The following DACH1 variants were observed in gnomAD, a reference collection of about 807,000 sequenced individuals.
DACH1 encodes dachshund family transcription factor 1, also known as dachshund homolog 1.
A neutral mutation model predicts 54.2 loss-of-function variants in DACH1; 12 were observed. The ratio of observed to expected loss-of-function variants is 0.22; its 90% CI spans 0.14 to 0.36. The LOEUF (loss-of-function observed/expected upper bound fraction) is 0.36. DACH1 is among the 10% of genes least tolerant of loss of function. DACH1 has a pLI of 1.00. For synonymous variants in DACH1, 386 were observed against 366.2 expected, an observed-to-expected ratio of 1.05 and a Z score of -0.62; for missense variants, 805 against 929.8, an observed-to-expected ratio of 0.87 and a Z score of 1.75.
At chr13:71,707,962 C>G (rs1594120789) in intron 1 of DACH1, among the ~76,000 whole-genome samples, 1 of 152,032 alleles carries the variant, frequency 6.6e-6, no homozygotes, top group Non-Finnish European at 1.5e-5. Flanking sequence ...AAAGTTTCAC[C>G]AGGCCCACTG....
At chr13:71,641,453 A>C (rs1282317440) in intron 2 of DACH1, among the ~76,000 whole-genome samples, 1 of 152,094 alleles carries the variant, frequency 6.6e-6, no homozygotes, top group African/African-American at 2.4e-5. Context: ...ACAACATCTC[A>C]TTTAAGCTCC....
intron 10 of DACH1, among the ~76,000 whole-genome samples, chr13:71,460,187 T>C (rs2138137284): frequency 1.3e-5 from 2 of 152,202 alleles, no homozygotes; most frequent in South Asian, 2.1e-4. Flanking sequence ...AAATCAGTTA[T>C]TATATGGCTT....
intron 10 of DACH1, among the ~76,000 whole-genome samples, chr13:71,449,588 C>G (rs1187390299): frequency 6.6e-6 from 1 of 151,372 alleles, no homozygotes; most frequent in Admixed American, 6.6e-5. Context: ...GGGCTTAAAA[C>G]CTAGATGATG....
chr13:71,599,779 A>T (rs987965487), intron 3 of DACH1, among the ~76,000 whole-genome samples: 51 of 151,774 alleles, frequency 3.4e-4, no homozygotes, highest in African/African-American at 1.1e-3. Context: ...CATGTATATA[A>T]AAAGACTTTC....
At chr13:71,475,004 A>C in intron 10 of DACH1, 137 bp downstream of exon 10, 1 of 695,960 alleles carries the variant, frequency 1.4e-6, no homozygotes, top group South Asian at 1.8e-5. Flanking sequence ...CATATAAACA[A>C]GCAAGATGAA....
At chr13:71,658,188 T>C (rs1879262446) in intron 2 of DACH1, among the ~76,000 whole-genome samples, 1 of 152,234 alleles carries the variant, frequency 6.6e-6, no homozygotes, top group Admixed American at 6.5e-5. Flanking sequence ...AACTGAATTA[T>C]ATAAATTCAT....
At chr13:71,481,496 G>A (rs1405500585) in intron 7 of DACH1, among the ~76,000 whole-genome samples, 4 of 152,138 alleles carry the variant, frequency 2.6e-5, no homozygotes, top group African/African-American at 9.7e-5. Flanking sequence ...TGTTACAATT[G>A]CTGCTAATGT....
chr13:71,670,240 A>G (rs1184739524), intron 2 of DACH1, among the ~76,000 whole-genome samples: 1 of 152,176 alleles, frequency 6.6e-6, no homozygotes, highest in African/African-American at 2.4e-5. Context: ...AATCTGATTC[A>G]ATTTATTGAA....
At chr13:71,459,651 C>CAAAGAAG (rs1426275186) in intron 10 of DACH1, among the ~76,000 whole-genome samples, 1 of 151,430 alleles carries the variant, frequency 6.6e-6, no homozygotes, top group Non-Finnish European at 1.5e-5. Flanking sequence ...AAATTAAGCC[C>CAAAGAAG]AAAGAAGAAA....
intron 1 of DACH1, among the ~76,000 whole-genome samples, chr13:71,837,442 G>T (rs147771769): frequency 6.6e-6 from 1 of 151,972 alleles, no homozygotes; most frequent in African/African-American, 2.4e-5. Flanking sequence ...TAGTGAGAGT[G>T]TAACAGACAC....
intron 1 of DACH1, among the ~76,000 whole-genome samples, chr13:71,691,997 C>G (rs1350839047): frequency 6.9e-6 from 1 of 145,704 alleles, no homozygotes; most frequent in Non-Finnish European, 1.5e-5. Context: ...GCCATAGAGG[C>G]ATAGCCCCCC....
At chr13:71,783,087 A>T (rs1173215169) in intron 1 of DACH1, among the ~76,000 whole-genome samples, 1 of 152,226 alleles carries the variant, frequency 6.6e-6, no homozygotes, top group Non-Finnish European at 1.5e-5. Flanking sequence ...TCAAAAGACC[A>T]GTCAGTGGCT....
chr13:71,475,521 A>C (rs1161195795), intron 9 of DACH1, among the ~76,000 whole-genome samples, 185 bp downstream of exon 9: 1 of 152,160 alleles, frequency 6.6e-6, no homozygotes, highest in Non-Finnish European at 1.5e-5. Flanking sequence ...TCAGTAAAAA[A>C]CAGTGGAAGC....
chr13:71,795,242 A>C (rs897121112), intron 1 of DACH1, among the ~76,000 whole-genome samples: 8 of 152,198 alleles, frequency 5.3e-5, no homozygotes, highest in Non-Finnish European at 1.2e-4. Flanking sequence ...ATGGGCCTCA[A>C]GTACTTCAAG....
chr13:71,662,484 G>A (rs1013308323), intron 2 of DACH1, among the ~76,000 whole-genome samples: 46 of 151,732 alleles, frequency 3.0e-4, no homozygotes, highest in African/African-American at 1.1e-3. Flanking sequence ...AAATGGAAAT[G>A]GTAATAACTA....
chr13:71,647,925 TATC>T (rs1878403344), intron 2 of DACH1, among the ~76,000 whole-genome samples: 1 of 152,236 alleles, frequency 6.6e-6, no homozygotes, highest in African/African-American at 2.4e-5. Flanking sequence ...CAGAGGATAA[TATC>T]ATTGTTGTTT....
At chr13:71,750,037 T>G (rs953903512) in intron 1 of DACH1, among the ~76,000 whole-genome samples, 3 of 152,204 alleles carry the variant, frequency 2.0e-5, no homozygotes, top group African/African-American at 7.2e-5. Flanking sequence ...TGCCAGGTAC[T>G]CTGTTGGGAA....
chr13:71,716,048 A>T (rs1882950865), intron 1 of DACH1, among the ~76,000 whole-genome samples: 1 of 151,976 alleles, frequency 6.6e-6, no homozygotes. Context: ...GCACCTCATT[A>T]CCTATTGCAT....
chr13:71,645,058 C>T (rs1375984496), intron 2 of DACH1, among the ~76,000 whole-genome samples: 1 of 152,058 alleles, frequency 6.6e-6, no homozygotes, highest in Non-Finnish European at 1.5e-5. Context: ...AGCCTAGATA[C>T]CAGAATCCAA....
Sources: allele counts gnomAD v4.1 joint callset (sites outside exome capture counted in the v4.1 genomes callset), GRCh38; gene constraint gnomAD v4.1.1; transcripts MANE v1.5; gene names NCBI Gene and HGNC (gene_info 2026-07-23, HGNC 2026-07-21).